Variants in TOP3A observed in about 807,000 individuals in gnomAD.
TOP3A encodes DNA topoisomerase III alpha, also known as DNA topoisomerase 3-alpha.
TOP3A carries 64 observed loss-of-function variants against 111.3 expected under a neutral mutation model. The observed-to-expected ratio is 0.57, with a 90% CI of 0.47 to 0.71. TOP3A has a LOEUF of 0.71. Among genes scored for constraint, TOP3A ranks in the 30% least tolerant of loss-of-function variants. TOP3A has a pLI of 0.00. For missense variants in TOP3A, 1,104 were observed against 1,285.0 expected (o/e 0.86, Z 2.15); for synonymous variants, 484 against 485.1 (o/e 1.00, Z 0.03).
chr17:18,290,953 C>T lies in TOP3A; in HGVS notation c.1356G>A (p.Gln452=). 1 of 1,614,244 alleles carries T rather than the reference C, an allele frequency of 6.2e-7. No homozygotes were observed. Among genetic ancestry groups the T allele is most frequent in the Non-Finnish European group, 8.5e-7 (1 of 1,180,046 alleles). The change falls in exon 12 of 19, where the codon CAG becomes CAA. Residue 452 remains glutamine, a synonymous_variant. Coordinates refer to ENST00000321105, the MANE Select transcript of TOP3A (RefSeq NM_004618.5). ...LACCSQDAQG[Q]ETTVEIDIAQ... ...CGATGTCGATCTCCACTGTGGTCTC[C>T]TGCCCCTGAGCATCCTGGGAGCAGC...
chr17:18,281,441 A>G (rs1417546159), intron 16 of TOP3A, among the ~76,000 whole-genome samples: 2 of 152,318 alleles, frequency 1.3e-5, no homozygotes, highest in East Asian at 3.9e-4. Context: ...TAACTAAAGA[A>G]TAATAATAAT....
chr17:18,311,421 G>A (rs1414501296), intron 1 of TOP3A, among the ~76,000 whole-genome samples: 2 of 152,150 alleles, frequency 1.3e-5, no homozygotes, highest in African/African-American at 4.8e-5. Flanking sequence ...AGCCTCGTGA[G>A]TAGCTGGGAT....
rs1470256188 is a variant in TOP3A at position 18,272,739 on chromosome 17, G to A, written c.*2063C>T. The A allele has an allele frequency of 4.0e-5, 6 of 151,666 alleles. No individual in the cohort carries two copies. The highest frequency in any genetic ancestry group is 1.3e-4 in the Admixed American group (2 of 15,212). 9.4% of individuals were successfully genotyped at this position (151,666 alleles called of 1,614,324 possible). On this transcript the variant is annotated 3_prime_UTR_variant, in exon 19 of 19. Coordinates refer to ENST00000321105, the MANE Select transcript of TOP3A (RefSeq NM_004618.5). ...TTTCACTCTTTTTGCCCAGGCTGGA[G>A]TGCAATGGCCCGATCTCAGCTCACT... is the stretch of plus-strand genomic sequence containing the variant.
chr17:18,300,482 C>T (rs1382983340), intron 8 of TOP3A, among the ~76,000 whole-genome samples: 2 of 152,046 alleles, frequency 1.3e-5, no homozygotes, highest in Non-Finnish European at 2.9e-5. Context: ...TCACCCACCA[C>T]GTAGTCCCGC....
At position 18,278,322 on chromosome 17, in the gene TOP3A, G is replaced by C. The variant is rs751280980; in HGVS notation, c.2180C>G (p.Pro727Arg). The change falls in exon 18 of 19, where the codon CCG becomes CGG. Residue 727 changes from proline to arginine, a missense_variant. Pro to Arg is a moderately radical substitution (Grantham distance 103). Coordinates refer to ENST00000321105, the MANE Select transcript of TOP3A (RefSeq NM_004618.5). The stretch of plus-strand genomic sequence containing the variant: ...GCAAACAAACTCCAGAGGCATGGTC[G>C]GGGGAAGGCTACCGCGCTTAAACTT... ...KLKFKRGSLP[P>R]TMPLEFVCCI... is the part of the protein sequence containing the mutation. The C allele has an allele frequency of 6.6e-7, 1 of 1,516,142 alleles. No individual in the cohort carries two copies. The highest frequency in any genetic ancestry group is 8.8e-7 in the Non-Finnish European group (1 of 1,132,458). 93.9% of individuals were successfully genotyped at this position (1,516,142 alleles called of 1,614,324 possible). A position where few individuals can be genotyped will look rare whatever the true frequency, so the allele number is the denominator to read the frequency against.
Position 18,314,809 on chromosome 17 carries a change from G to A in TOP3A, c.-31C>T, listed in dbSNP as rs1164376450. On this transcript the variant is annotated 5_prime_UTR_variant, in exon 1 of 19. Transcript: ENST00000321105. ...GACCTCGCGCCCGGAGCCGCTCCCC[G>A]GCTGCCGGCGCATCCTGGGGAAGCC... 2.7e-6 allele frequency: 4 copies of A among 1,480,978 alleles called. No individual in the cohort carries two copies. The highest frequency in any genetic ancestry group is 3.6e-6 in the Non-Finnish European group (4 of 1,112,374). The allele number at this position is 1,480,978 out of a possible 1,614,324, so 91.7% of individuals were successfully genotyped here.
chr17:18,292,251 G>C (rs752642252), intron 11 of TOP3A, among the ~76,000 whole-genome samples: 2 of 152,220 alleles, frequency 1.3e-5, no homozygotes, highest in Non-Finnish European at 2.9e-5. Flanking sequence ...GTGACAGGGG[G>C]TGGCACGACT....
At chr17:18,286,604 T>G (rs1980123023) in intron 13 of TOP3A, among the ~76,000 whole-genome samples, 3 of 152,092 alleles carry the variant, frequency 2.0e-5, no homozygotes, top group Admixed American at 2.0e-4. Flanking sequence ...TAATACTAAG[T>G]GTTAGTAAGG....
intron 9 of TOP3A, among the ~76,000 whole-genome samples, chr17:18,298,194 C>G (rs1039295665): frequency 1.3e-5 from 2 of 151,138 alleles, no homozygotes; most frequent in Non-Finnish European, 2.9e-5. Context: ...CGGCAACCGC[C>G]CCGTCTGAGA....
chr17:18,292,593 C>G (rs1159580151), intron 11 of TOP3A, 52 bp downstream of exon 11: 2 of 1,445,942 alleles, frequency 1.4e-6, no homozygotes. Flanking sequence ...TACTACTGAC[C>G]CCCAGCACTT....
At chr17:18,294,621 C>T in intron 10 of TOP3A, 82 bp downstream of exon 10, 2 of 1,103,998 alleles carry the variant, frequency 1.8e-6, no homozygotes, top group Non-Finnish European at 2.7e-6. Flanking sequence ...AGCCACCGTG[C>T]CCAACCCATA....
At chr17:18,292,385 A>G (rs1261700780) in intron 11 of TOP3A, among the ~76,000 whole-genome samples, 2 of 152,140 alleles carry the variant, frequency 1.3e-5, no homozygotes, top group Non-Finnish European at 2.9e-5. Flanking sequence ...GGGTCTGCAC[A>G]GGGGTTGCCT....
At chr17:18,304,658 TATTC>T (rs1981446186) in intron 5 of TOP3A, among the ~76,000 whole-genome samples, 1 of 152,252 alleles carries the variant, frequency 6.6e-6, no homozygotes, top group South Asian at 2.1e-4. Context: ...ACTTGTGGTA[TATTC>T]ATTCTTTTAT....
intron 18 of TOP3A, among the ~76,000 whole-genome samples, chr17:18,275,498 T>A (rs934808671): frequency 1.3e-5 from 2 of 150,596 alleles, no homozygotes; most frequent in Non-Finnish European, 3.0e-5. Context: ...TAGCTGGGAC[T>A]ACAGGCACCC....
chr17:18,292,709 T>A lies in TOP3A; in HGVS notation c.1217A>T (p.Asn406Ile). 1.2e-6 allele frequency: 2 copies of A among 1,608,476 alleles called. No individual in the cohort carries two copies. Among genetic ancestry groups the A allele is most frequent in the Non-Finnish European group, 1.7e-6 (2 of 1,176,366 alleles). ...ILERGGPTPR[N>I]GNKSDQAHPP... ...GTGAGCTTGGTCAGACTTGTTCCCA[T>A]TGCGTGGGGTGGGACCACCCCGCTC... The change falls in exon 11 of 19, where the codon AAT becomes ATT. Residue 406 changes from asparagine to isoleucine, a missense_variant. Coordinates refer to ENST00000321105, the MANE Select transcript of TOP3A (RefSeq NM_004618.5).
chr17:18,304,033 C>T (rs753843137), intron 5 of TOP3A, among the ~76,000 whole-genome samples: 1 of 152,086 alleles, frequency 6.6e-6, no homozygotes, highest in Non-Finnish European at 1.5e-5. Flanking sequence ...GGTGCAATCT[C>T]GGCTCACTGC....
At chr17:18,314,020 C>T (rs971532377) in intron 1 of TOP3A, among the ~76,000 whole-genome samples, 10 of 152,188 alleles carry the variant, frequency 6.6e-5, no homozygotes, top group Non-Finnish European at 4.4e-5. Flanking sequence ...TTACCACTTA[C>T]CTCTCTCAGA....
chr17:18,290,959 CT>C lies in TOP3A; in HGVS notation c.1349del (p.Gln450ArgfsTer22), dbSNP rs775538755. The C allele has an allele frequency of 6.2e-7, 1 of 1,614,220 alleles. No individual in the cohort carries two copies. Among genetic ancestry groups the C allele is most frequent in the Admixed American group, 1.7e-5 (1 of 60,024 alleles). Reference sequence around the variant, plus strand: ...CGATCTCCACTGTGGTCTCCTGCCCCTGAGCATCCTGGGAGCAGCAAGCCAG... The same window carrying C: ...CGATCTCCACTGTGGTCTCCTGCCCCGAGCATCCTGGGAGCAGCAAGCCAG... ...HFLACCSQDA[Q>X]GQETTVEIDI... On this transcript the variant is annotated frameshift_variant, in exon 12 of 19. Transcript: ENST00000321105. LOFTEE classifies it high-confidence loss of function.
intron 10 of TOP3A, 60 bp downstream of exon 10, chr17:18,294,643 T>TCC: frequency 7.5e-7 from 1 of 1,336,998 alleles, no homozygotes; most frequent in East Asian, 2.3e-5. Flanking sequence ...ACTCTATTTC[T>TCC]CAAATATTTC....
Sources: allele counts gnomAD v4.1 joint callset (sites outside exome capture counted in the v4.1 genomes callset), GRCh38; gene constraint gnomAD v4.1.1; transcripts MANE v1.5; gene names NCBI Gene and HGNC (gene_info 2026-07-23, HGNC 2026-07-21).